CAMK2G: variants seen among roughly 807,000 people sequenced by gnomAD.
The protein encoded by CAMK2G is calcium/calmodulin-dependent protein kinase type II subunit gamma.
In CAMK2G, 23 loss-of-function variants were observed where a neutral mutation model predicts 88.7. The ratio of observed to expected loss-of-function variants is 0.26; its 90% CI spans 0.19 to 0.37. The LOEUF is 0.37. CAMK2G is among the 10% of genes least tolerant of loss of function. CAMK2G has a pLI of 1.00. For synonymous variants in CAMK2G, 263 were observed against 294.8 expected, an observed-to-expected ratio of 0.89 and a Z score of 1.11; for missense variants, 476 against 780.8, an observed-to-expected ratio of 0.61 and a Z score of 4.65.
intron 19 of CAMK2G, 149 bp downstream of exon 19, chr10:73,819,383 G>T: frequency 1.5e-6 from 1 of 657,600 alleles, no homozygotes; most frequent in Non-Finnish European, 2.7e-6. Flanking sequence ...AGCACCTCCA[G>T]TCTACCCCCC....
At chr10:73,829,690 T>TAATA (rs2092035989) in intron 14 of CAMK2G, among the ~76,000 whole-genome samples, 1 of 148,506 alleles carries the variant, frequency 6.7e-6, no homozygotes, top group African/African-American at 2.5e-5. Flanking sequence ...TTCATATATA[T>TAATA]AAGTAGTGGG....
At chr10:73,819,263 C>A (rs1255644653) in intron 19 of CAMK2G, among the ~76,000 whole-genome samples, 1 of 152,140 alleles carries the variant, frequency 6.6e-6, no homozygotes, top group East Asian at 1.9e-4. Flanking sequence ...GCAAGGCCCA[C>A]TGCACATCCT....
At chr10:73,852,120 C>G (rs911389006) in intron 5 of CAMK2G, 134 bp downstream of exon 5, 1 of 697,976 alleles carries the variant, frequency 1.4e-6, no homozygotes, top group African/African-American at 1.8e-5. Flanking sequence ...CAGAATCTTT[C>G]TCCAGACAAG....
At chr10:73,833,913 T>TC (rs2092865902) in intron 14 of CAMK2G, among the ~76,000 whole-genome samples, 1 of 116,588 alleles carries the variant, frequency 8.6e-6, no homozygotes, top group African/African-American at 3.7e-5. Flanking sequence ...TACTGGGTTT[T>TC]TTTTTTTTTT....
Position 73,854,325 on chromosome 10 carries a change from T to TA in CAMK2G, c.221-1080dup, listed in dbSNP as rs1342625941. On this transcript the variant is annotated intron_variant, in intron 3 of 22. Transcript: ENST00000423381. ...GCTCCCCGCCTCCAAAGCTCTTGGG[T>TA]AAAAAACCAACCTGAAGTCTTCTGA... Among the ~76,000 whole-genome samples the TA allele has an allele frequency of 2.0e-5, 3 of 151,662 alleles. No homozygotes were observed. The East Asian group carries it at 5.9e-4, about 30-fold the overall frequency.
intron 19 of CAMK2G, among the ~76,000 whole-genome samples, chr10:73,819,235 T>A (rs1396700112): frequency 1.3e-5 from 2 of 152,040 alleles, no homozygotes; most frequent in Admixed American, 6.6e-5. Flanking sequence ...CTGCCCTTCT[T>A]CCTGGCTCAG....
At chr10:73,815,776 T>C (rs1050939205) in intron 21 of CAMK2G, 2 of 984,202 alleles carry the variant, frequency 2.0e-6, no homozygotes. Context: ...GCACCAAAGC[T>C]GAAATAGAAT....
chr10:73,820,894 G>A (rs539696575), intron 18 of CAMK2G, among the ~76,000 whole-genome samples: 1 of 151,910 alleles, frequency 6.6e-6, no homozygotes, highest in Non-Finnish European at 1.5e-5. Flanking sequence ...GGCTGGTCTT[G>A]AACTTCTGAC....
chr10:73,845,882 T>A (rs992526929), intron 10 of CAMK2G, among the ~76,000 whole-genome samples: 1 of 151,980 alleles, frequency 6.6e-6, no homozygotes, highest in Non-Finnish European at 1.5e-5. Flanking sequence ...GCCCTTTTCT[T>A]TTAAAAATTT....
intron 10 of CAMK2G, among the ~76,000 whole-genome samples, chr10:73,845,106 G>C (rs976233978): frequency 1.3e-5 from 2 of 152,228 alleles, no homozygotes; most frequent in East Asian, 3.9e-4. Context: ...ACCAGCATAG[G>C]AACAGGCCCA....
At chr10:73,853,346 C>G (rs2094783889) in intron 3 of CAMK2G, 100 bp from the exon 4 acceptor site, 1 of 1,029,138 alleles carries the variant, frequency 9.7e-7, no homozygotes, top group African/African-American at 1.6e-5. Context: ...CTGTCGGGCT[C>G]ACAGGGCTCT....
intron 4 of CAMK2G, chr10:73,852,562 T>C (rs2094707863): frequency 3.8e-6 from 2 of 529,762 alleles, no homozygotes; most frequent in Non-Finnish European, 6.7e-6. Flanking sequence ...GATTCACTAA[T>C]AGTCAGGCAG....
chr10:73,860,689 C>A, intron 3 of CAMK2G, 141 bp downstream of exon 3: 1 of 687,714 alleles, frequency 1.5e-6, no homozygotes. Context: ...TTCTGAGACA[C>A]AGTTGCTATC....
At chr10:73,821,381 T>C (rs933841403) in intron 18 of CAMK2G, among the ~76,000 whole-genome samples, 4 of 152,170 alleles carry the variant, frequency 2.6e-5, no homozygotes, top group Non-Finnish European at 4.4e-5. Flanking sequence ...ACCCCTGTTC[T>C]TGGATGGCAC....
intron 16 of CAMK2G, among the ~76,000 whole-genome samples, chr10:73,824,626 G>A (rs1041462240): frequency 6.6e-6 from 1 of 152,208 alleles, no homozygotes; most frequent in Non-Finnish European, 1.5e-5. Context: ...GCCACGTCAT[G>A]TGGTATGAGG....
intron 2 of CAMK2G, among the ~76,000 whole-genome samples, chr10:73,864,134 G>T (rs2095494525): frequency 1.3e-5 from 2 of 152,132 alleles, no homozygotes; most frequent in Admixed American, 1.3e-4. Context: ...TGGATCACTT[G>T]AGGTCAGGAG....
rs1184436590 is a variant in CAMK2G at position 73,848,656 on chromosome 10, T to C, written c.518-47A>G. The C allele has an allele frequency of 9.1e-7, 1 of 1,098,244 alleles. No individual in the cohort carries two copies. The highest frequency in any genetic ancestry group is 1.4e-6 in the Non-Finnish European group (1 of 734,626). 68.0% of individuals were successfully genotyped at this position (1,098,244 alleles called of 1,614,324 possible). A position where few individuals can be genotyped will look rare whatever the true frequency, so the allele number is the denominator to read the frequency against. On this transcript the variant is annotated intron_variant, in intron 7 of 22. Transcript: ENST00000423381. This position sits in a 1 kb window ranked among gnomAD's most constrained non-coding sequence, Gnocchi z 4.5. ...AGGCATACTGAACCCACTTTCTCTCTCGTTAAATCCACACCAGCCATTTCC... is the reference window on the plus strand; with the variant it reads ...AGGCATACTGAACCCACTTTCTCTCCCGTTAAATCCACACCAGCCATTTCC...
intron 18 of CAMK2G, among the ~76,000 whole-genome samples, chr10:73,821,478 G>A (rs1304635731): frequency 1.3e-5 from 2 of 152,232 alleles, no homozygotes; most frequent in African/African-American, 4.8e-5. Flanking sequence ...GGTCAAAGAA[G>A]AGAAGCCTCT....
chr10:73,821,794 G>C (rs1272420660), intron 17 of CAMK2G, 64 bp from the exon 18 acceptor site: 17 of 1,342,286 alleles, frequency 1.3e-5, no homozygotes, highest in Non-Finnish European at 1.7e-5. Flanking sequence ...GAGCAAAGCA[G>C]AACAAAAGCA....
Sources: allele counts gnomAD v4.1 joint callset (sites outside exome capture counted in the v4.1 genomes callset), GRCh38; gene constraint gnomAD v4.1.1; non-coding constraint Gnocchi (gnomAD v3.1); transcripts MANE v1.5; gene names NCBI Gene and HGNC (gene_info 2026-07-23, HGNC 2026-07-21).